EPHA3: variants seen among roughly 807,000 people sequenced by gnomAD.
EPHA3 encodes the protein ephrin type-A receptor 3.
Under a neutral mutation model 107.1 loss-of-function variants are expected in EPHA3, and 42 were observed. That is an observed-to-expected ratio of 0.39 (90% CI 0.31 to 0.51). EPHA3 has a LOEUF of 0.51. EPHA3 is among the 20% of genes least tolerant of loss of function. EPHA3 has a pLI of 0.78. For missense variants in EPHA3, 1,183 were observed against 1,211.2 expected (o/e 0.98, Z 0.35); for synonymous variants, 461 against 424.8 (o/e 1.09, Z -1.05).
intron 3 of EPHA3, among the ~76,000 whole-genome samples, chr3:89,249,313 C>T (rs951450801): frequency 2.0e-5 from 3 of 152,140 alleles, no homozygotes; most frequent in African/African-American, 7.2e-5. Flanking sequence ...CCTCTTGTTT[C>T]CTGTTTGGGC....
At chr3:89,118,778 T>C (rs1403744737) in intron 1 of EPHA3, among the ~76,000 whole-genome samples, 1 of 151,928 alleles carries the variant, frequency 6.6e-6, no homozygotes, top group Non-Finnish European at 1.5e-5. Context: ...AAAAAAAATA[T>C]CTGCTAGGGA....
At position 89,356,392 on chromosome 3, in the gene EPHA3, C is replaced by A. The variant is rs958286663; in HGVS notation, c.1306+14302C>A. 2.0e-5 allele frequency among the ~76,000 whole-genome samples: 3 copies of A among 150,932 alleles called. No homozygotes were observed. In the Admixed American group the frequency reaches 2.0e-4, roughly 10 times the overall value. On this transcript the variant is annotated intron_variant, in intron 5 of 16. Coordinates refer to ENST00000336596, the MANE Select transcript of EPHA3 (RefSeq NM_005233.6). Reference sequence around the variant, plus strand: ...TCAAATGGTATTTCTAGTTCTAGATCCCTGAAGAATCGCCACACTGACTTC... The same window carrying A: ...TCAAATGGTATTTCTAGTTCTAGATACCTGAAGAATCGCCACACTGACTTC...
intron 5 of EPHA3, among the ~76,000 whole-genome samples, chr3:89,374,368 G>C (rs531704773): frequency 2.2e-4 from 34 of 151,918 alleles, no homozygotes; most frequent in African/African-American, 8.0e-4. Context: ...GAAAACAGTG[G>C]AAGTCAACAA....
chr3:89,436,772 G>A (rs1465368258), intron 13 of EPHA3, among the ~76,000 whole-genome samples: 7 of 152,166 alleles, frequency 4.6e-5, no homozygotes, highest in African/African-American at 1.7e-4. Context: ...GTTCTATACT[G>A]TCTTAGGTGT....
At chr3:89,265,306 A>G (rs546295677) in intron 3 of EPHA3, among the ~76,000 whole-genome samples, 1 of 152,304 alleles carries the variant, frequency 6.6e-6, no homozygotes, top group African/African-American at 2.4e-5. Context: ...GGAATCCCTG[A>G]CCACATAATT....
chr3:89,110,194 A>G (rs1288930644), intron 1 of EPHA3, among the ~76,000 whole-genome samples: 1 of 151,962 alleles, frequency 6.6e-6, no homozygotes. Context: ...AAATATTATG[A>G]TTGAAATATT....
intron 3 of EPHA3, among the ~76,000 whole-genome samples, chr3:89,293,806 T>G (rs1216392346): frequency 6.6e-6 from 1 of 152,302 alleles, no homozygotes; most frequent in East Asian, 1.9e-4. Flanking sequence ...CTCTTTTCTT[T>G]ATAAATTACC....
chr3:89,268,073 C>T (rs775318537), intron 3 of EPHA3, among the ~76,000 whole-genome samples: 5 of 152,036 alleles, frequency 3.3e-5, no homozygotes, highest in Non-Finnish European at 7.4e-5. Context: ...CTAGGATGGG[C>T]TTACTGATAT....
rs189023895 is a variant in EPHA3 at position 89,271,631 on chromosome 3, G to A, written c.814+61111G>A. 1.8e-3 allele frequency among the ~76,000 whole-genome samples: 273 copies of A among 151,932 alleles called. 1 individual carries two copies. Among genetic ancestry groups the A allele is most frequent in the Non-Finnish European group, 2.4e-3 (161 of 67,928 alleles). On this transcript the variant is annotated intron_variant, in intron 3 of 16. Coordinates refer to ENST00000336596, the MANE Select transcript of EPHA3 (RefSeq NM_005233.6). ...GCCTCTATTTATCTCCATCCATACCGATAGCTGATGGTTGATTGTAATATG... is the reference window on the plus strand; with the variant it reads ...GCCTCTATTTATCTCCATCCATACCAATAGCTGATGGTTGATTGTAATATG...
intron 3 of EPHA3, among the ~76,000 whole-genome samples, chr3:89,230,806 C>G (rs67268160): frequency 8.2e-6 from 1 of 122,140 alleles, no homozygotes; most frequent in African/African-American, 3.0e-5. Context: ...TCTCTCTCTC[C>G]CTCTCTCTCT....
chr3:89,429,313 G>C, intron 12 of EPHA3, 146 bp downstream of exon 12: 1 of 504,922 alleles, frequency 2.0e-6, no homozygotes. Context: ...GAGAAGGGCT[G>C]TAAAATTGCA....
At chr3:89,112,815 G>A (rs564706308) in intron 1 of EPHA3, among the ~76,000 whole-genome samples, 2 of 151,180 alleles carry the variant, frequency 1.3e-5, no homozygotes, top group East Asian at 1.9e-4. Context: ...TCAATGATTC[G>A]GTTTGGCATA....
intron 2 of EPHA3, among the ~76,000 whole-genome samples, chr3:89,144,645 G>T (rs1486350560): frequency 6.6e-6 from 1 of 151,484 alleles, no homozygotes; most frequent in Non-Finnish European, 1.5e-5. Flanking sequence ...TACATTTCTT[G>T]TTATTTTTAC....
chr3:89,387,873 A>G (rs976942265), intron 5 of EPHA3, among the ~76,000 whole-genome samples: 7 of 152,138 alleles, frequency 4.6e-5, no homozygotes, highest in Non-Finnish European at 1.0e-4. Flanking sequence ...TTATAACAAA[A>G]TTCTCCAGTC....
At chr3:89,291,280 T>TCAG (rs1362182595) in intron 3 of EPHA3, among the ~76,000 whole-genome samples, 1 of 152,184 alleles carries the variant, frequency 6.6e-6, no homozygotes, top group Non-Finnish European at 1.5e-5. Flanking sequence ...AGTCAGATTA[T>TCAG]ATATCTAAGA....
intron 3 of EPHA3, among the ~76,000 whole-genome samples, chr3:89,315,146 G>C (rs1706865356): frequency 6.6e-6 from 1 of 151,630 alleles, no homozygotes; most frequent in African/African-American, 2.4e-5. Context: ...CTGAAACATT[G>C]TTATGTGGTA....
chr3:89,399,897 T>A, intron 7 of EPHA3: 1 of 1,063,538 alleles, frequency 9.4e-7, no homozygotes, highest in Non-Finnish European at 1.1e-6. Context: ...CCTTAACACA[T>A]TCAATAGCAT....
chr3:89,150,276 A>G (rs1289863923), intron 2 of EPHA3, among the ~76,000 whole-genome samples: 1 of 152,042 alleles, frequency 6.6e-6, no homozygotes, highest in African/African-American at 2.4e-5. Flanking sequence ...TTGTCAGATG[A>G]ACAAATAATT....
chr3:89,345,468 A>G (rs1031725904), intron 5 of EPHA3, among the ~76,000 whole-genome samples: 3 of 150,924 alleles, frequency 2.0e-5, no homozygotes, highest in Non-Finnish European at 4.4e-5. Flanking sequence ...CTTCACCCAG[A>G]TTTCTCCTAG....
Sources: allele counts gnomAD v4.1 joint callset (sites outside exome capture counted in the v4.1 genomes callset), GRCh38; gene constraint gnomAD v4.1.1; transcripts MANE v1.5; gene names NCBI Gene and HGNC (gene_info 2026-07-23, HGNC 2026-07-21).